Variants in MOB3B observed in about 807,000 individuals in gnomAD.
MOB3B encodes the protein MOB kinase activator-like 2B.
Under a neutral mutation model 18.7 loss-of-function variants are expected in MOB3B, and 7 were observed. The ratio of observed to expected loss-of-function variants is 0.37; its 90% CI spans 0.21 to 0.70. The LOEUF (loss-of-function observed/expected upper bound fraction) is 0.70. Among genes scored for constraint, MOB3B ranks in the 30% least tolerant of loss-of-function variants. MOB3B has a pLI of 0.52. For missense variants in MOB3B, 253 were observed against 281.3 expected, an observed-to-expected ratio of 0.90 and a Z score of 0.72; for synonymous variants, 111 against 99.9, an observed-to-expected ratio of 1.11 and a Z score of -0.66.
At chr9:27,527,364 G>GT (rs1820451130) in intron 1 of MOB3B, among the ~76,000 whole-genome samples, 1 of 141,170 alleles carries the variant, frequency 7.1e-6, no homozygotes, top group Non-Finnish European at 1.6e-5. Flanking sequence ...CAAAGATGTT[G>GT]CTTTTTTTTC....
intron 2 of MOB3B, among the ~76,000 whole-genome samples, chr9:27,442,872 T>C (rs571367042): frequency 3.3e-5 from 5 of 152,316 alleles, no homozygotes; most frequent in Admixed American, 2.6e-4. Flanking sequence ...TCTGGGCCTG[T>C]CTCATCTGCT....
intron 3 of MOB3B, among the ~76,000 whole-genome samples, chr9:27,355,784 G>T (rs140313963): frequency 1.1e-3 from 162 of 152,074 alleles, no homozygotes; most frequent in African/African-American, 3.8e-3. Flanking sequence ...GGATGGTCTC[G>T]ATCTCCTGAC....
chr9:27,518,699 C>A (rs968334188), intron 1 of MOB3B, among the ~76,000 whole-genome samples: 1 of 152,100 alleles, frequency 6.6e-6, no homozygotes, highest in South Asian at 2.1e-4. Context: ...AAGAGCCCCT[C>A]TAAGGTTGAT....
chr9:27,403,445 T>C (rs1821914871), intron 2 of MOB3B, among the ~76,000 whole-genome samples: 1 of 148,402 alleles, frequency 6.7e-6, no homozygotes, highest in Non-Finnish European at 1.5e-5. Flanking sequence ...GTTGTTAAGA[T>C]CCCAAAGAGA....
intron 2 of MOB3B, among the ~76,000 whole-genome samples, chr9:27,427,121 T>A (rs1446753840): frequency 6.6e-6 from 1 of 152,214 alleles, no homozygotes; most frequent in Non-Finnish European, 1.5e-5. Context: ...AAGGCTTGAC[T>A]TCCTGCCTAC....
chr9:27,369,920 T>C (rs1821391607), intron 2 of MOB3B, among the ~76,000 whole-genome samples: 1 of 145,546 alleles, frequency 6.9e-6, no homozygotes, highest in Non-Finnish European at 1.5e-5. Context: ...TACTACCACA[T>C]CAACTTTTAA....
intron 1 of MOB3B, among the ~76,000 whole-genome samples, chr9:27,490,947 T>C: frequency 6.7e-6 from 1 of 149,096 alleles, no homozygotes. Context: ...AAAAGAGTAT[T>C]TATCAAAGCC....
At chr9:27,499,969 C>G (rs1819964536) in intron 1 of MOB3B, among the ~76,000 whole-genome samples, 1 of 152,134 alleles carries the variant, frequency 6.6e-6, no homozygotes. Context: ...ATCAACCTTT[C>G]AATTAGTCTT....
intron 2 of MOB3B, among the ~76,000 whole-genome samples, chr9:27,369,422 T>G (rs1052933591): frequency 1.3e-5 from 2 of 152,340 alleles, no homozygotes; most frequent in African/African-American, 4.8e-5. Context: ...TCCTGCCTAG[T>G]TTATGCAGGT....
chr9:27,402,707 C>T (rs1821902017), intron 2 of MOB3B, among the ~76,000 whole-genome samples: 1 of 152,222 alleles, frequency 6.6e-6, no homozygotes, highest in South Asian at 2.1e-4. Flanking sequence ...TTCATGTTTC[C>T]AGCAGGCCCT....
chr9:27,447,674 C>T (rs531858435), intron 2 of MOB3B, among the ~76,000 whole-genome samples: 1 of 152,302 alleles, frequency 6.6e-6, no homozygotes, highest in African/African-American at 2.4e-5. Context: ...ACACTGGAGG[C>T]CCTAAACAGA....
At chr9:27,401,471 G>T (rs1303305139) in intron 2 of MOB3B, among the ~76,000 whole-genome samples, 1 of 152,138 alleles carries the variant, frequency 6.6e-6, no homozygotes, top group African/African-American at 2.4e-5. Context: ...CGACAGGTGG[G>T]ATCACACAGA....
intron 2 of MOB3B, among the ~76,000 whole-genome samples, chr9:27,364,073 G>A (rs1821311072): frequency 6.6e-6 from 1 of 152,164 alleles, no homozygotes; most frequent in Non-Finnish European, 1.5e-5. Flanking sequence ...CCTGCACTTA[G>A]CTTGCTTGTG....
chr9:27,454,261 C>A (rs1822835968), intron 2 of MOB3B, among the ~76,000 whole-genome samples: 1 of 152,178 alleles, frequency 6.6e-6, no homozygotes, highest in South Asian at 2.1e-4. Context: ...CCAACCATCT[C>A]AGGGCTTTTA....
chr9:27,490,228 A>G (rs759172776), intron 1 of MOB3B, among the ~76,000 whole-genome samples: 1 of 152,318 alleles, frequency 6.6e-6, no homozygotes, highest in Non-Finnish European at 1.5e-5. Context: ...GCCAACAGGT[A>G]TAGAGGACCT....
At chr9:27,385,033 C>T (rs1821631173) in intron 2 of MOB3B, among the ~76,000 whole-genome samples, 1 of 152,182 alleles carries the variant, frequency 6.6e-6, no homozygotes, top group Admixed American at 6.5e-5. Flanking sequence ...AGATAGGCAC[C>T]TTATCCTAGA....
At chr9:27,358,722 C>A (rs1563849293) in intron 3 of MOB3B, 1 of 506,460 alleles carries the variant, frequency 2.0e-6, no homozygotes. Flanking sequence ...CAAAGATGCC[C>A]ATTTAAGGAA....
At chr9:27,410,319 C>T (rs1357594696) in intron 2 of MOB3B, among the ~76,000 whole-genome samples, 1 of 152,022 alleles carries the variant, frequency 6.6e-6, no homozygotes, top group Non-Finnish European at 1.5e-5. Context: ...GTCATTTATT[C>T]CTAAATGCAC....
chr9:27,340,970 G>C (rs915851958), intron 3 of MOB3B, among the ~76,000 whole-genome samples: 1 of 152,228 alleles, frequency 6.6e-6, no homozygotes, highest in Admixed American at 6.5e-5. Flanking sequence ...AAGGGTGACT[G>C]AGTGCACCCA....
Sources: gnomAD v4.1 joint callset for allele counts (sites outside exome capture counted in the v4.1 genomes callset) on GRCh38, gnomAD v4.1.1 for gene constraint, MANE v1.5 for transcripts, NCBI Gene and HGNC (gene_info 2026-07-23, HGNC 2026-07-21) for gene names.